The following URB1 variants were observed in gnomAD, a reference collection of about 807,000 sequenced individuals.
The protein encoded by URB1 is nucleolar pre-ribosomal-associated protein 1.
A neutral mutation model predicts 242.3 loss-of-function variants in URB1; 197 were observed. The observed-to-expected ratio is 0.81, with a 90% CI of 0.72 to 0.91. The LOEUF (loss-of-function observed/expected upper bound fraction) is 0.91. URB1 is among the 40% of genes least tolerant of loss of function. URB1 has a pLI of 0.00. For synonymous variants in URB1, 1,153 were observed against 1,201.8 expected (o/e 0.96, Z 0.84); for missense variants, 2,721 against 2,860.5 (o/e 0.95, Z 1.11).
chr21:32,392,754 C>A lies in URB1; in HGVS notation c.142+15G>T, dbSNP rs1293533859. ...GCCTGTGCTCCCGACCCTGCGCCTGCCGCCCCGGACTCACCTGGCCCGGGG... is the reference window on the plus strand; with the variant it reads ...GCCTGTGCTCCCGACCCTGCGCCTGACGCCCCGGACTCACCTGGCCCGGGG... On this transcript the variant is annotated intron_variant, in intron 1 of 38. Transcript: ENST00000382751. 7.0e-7 allele frequency: 1 copy of A among 1,422,114 alleles called. No individual in the cohort carries two copies. Among genetic ancestry groups the A allele is most frequent in the Non-Finnish European group, 9.2e-7 (1 of 1,086,682 alleles). The allele number at this position is 1,422,114 out of a possible 1,614,324, so 88.1% of individuals were successfully genotyped here. A position where few individuals can be genotyped will look rare whatever the true frequency, so the allele number is the denominator to read the frequency against.
Position 32,335,728 on chromosome 21 carries a change from C to A in URB1, c.4685+1366G>T, listed in dbSNP as rs80009829. 4.4e-3 allele frequency: 675 copies of A among 152,694 alleles called. 4 individuals carry two copies. Among genetic ancestry groups the A allele is most frequent in the African/African-American group, 0.016 (655 of 41,606 alleles). The allele number at this position is 152,694 out of a possible 1,614,324, so 9.5% of individuals were successfully genotyped here. A position where few individuals can be genotyped will look rare whatever the true frequency, so the allele number is the denominator to read the frequency against. ...CGGCAGACTGCCCATCACAGACCGG[C>A]GGGAGAGCCGCCACGTAGCGTCCAG... On this transcript the variant is annotated intron_variant, in intron 28 of 38. Coordinates refer to ENST00000382751, the MANE Select transcript of URB1 (RefSeq NM_014825.3).
At position 32,349,325 on chromosome 21, in the gene URB1, C is replaced by T. The variant is rs763341296; in HGVS notation, c.2991G>A (p.Ser997=). 8.4e-6 allele frequency: 13 copies of T among 1,546,016 alleles called. No homozygotes were observed. The highest frequency in any genetic ancestry group is 7.3e-5 in the East Asian group (3 of 40,826). ...DLFLDMESVA[S]LELANDQTLE... is the part of the protein sequence containing the mutation. Reference sequence around the variant, plus strand: ...GTACCTGATCATTGGCCAACTCCAGCGAGGCCACGGACTCCATGTCCAGGA... The same window carrying T: ...GTACCTGATCATTGGCCAACTCCAGTGAGGCCACGGACTCCATGTCCAGGA... Residue 997 remains serine, a synonymous_variant, in exon 21 of 39, where the codon TCG becomes TCA. Transcript: ENST00000382751.
chr21:32,324,823 G>C (rs894285220), intron 31 of URB1, among the ~76,000 whole-genome samples: 1 of 152,202 alleles, frequency 6.6e-6, no homozygotes, highest in Non-Finnish European at 1.5e-5. Context: ...CACAACAGCA[G>C]AGAGAAGTCT....
Position 32,368,505 on chromosome 21 carries a change from TTTGAGGA to T in URB1, c.1088_1094del (p.Ile363LysfsTer7). ...ATTTGTTCAGTAAGTCCGGGCACACTTTGAGGATGTTTACCACAAGGTCAGCCACCAG... is the reference window on the plus strand; with the variant it reads ...ATTTGTTCAGTAAGTCCGGGCACACTTGTTTACCACAAGGTCAGCCACCAG... On this transcript the variant is annotated frameshift_variant, in exon 9 of 39. Coordinates refer to ENST00000382751, the MANE Select transcript of URB1 (RefSeq NM_014825.3). LOFTEE classifies it high-confidence loss of function. 2 of 1,551,788 alleles carry T rather than the reference TTTGAGGA, an allele frequency of 1.3e-6. No homozygotes were observed. Among genetic ancestry groups the T allele is most frequent in the Non-Finnish European group, 1.7e-6 (2 of 1,147,020 alleles).
chr21:32,357,762 T>C, intron 14 of URB1, 106 bp from the exon 15 acceptor site: 1 of 937,266 alleles, frequency 1.1e-6, no homozygotes. Flanking sequence ...GCGTGGTGGC[T>C]TACACCTGTA....
rs1439537263 is a variant in URB1 at position 32,347,583 on chromosome 21, G to C, written c.3241C>G (p.Gln1081Glu). Residue 1081 changes from glutamine (Q) to glutamate (E), a missense_variant, in exon 22 of 39, where the codon CAG (glutamine) becomes GAG (glutamate). Coordinates refer to ENST00000382751, the MANE Select transcript of URB1 (RefSeq NM_014825.3). The stretch of plus-strand genomic sequence containing the variant: ...TTCTGAAGTTCCTTCAGCACACTCT[G>C]GGTGATGGCCTCTGAGTACCTGGCC... ...LLARYSEAIT[Q>E]SVLKELQNRR... The C allele has an allele frequency of 7.7e-6, 12 of 1,551,420 alleles. No individual in the cohort carries two copies. Among genetic ancestry groups the C allele is most frequent in the Non-Finnish European group, 9.6e-6 (11 of 1,146,944 alleles).
At chr21:32,324,004 C>G (rs868592809) in intron 32 of URB1, among the ~76,000 whole-genome samples, 1 of 152,232 alleles carries the variant, frequency 6.6e-6, no homozygotes, top group South Asian at 2.1e-4. Flanking sequence ...ACCCTCACAG[C>G]AATGCTAGAG....
intron 36 of URB1, among the ~76,000 whole-genome samples, chr21:32,318,958 G>A (rs1345316789): frequency 6.6e-6 from 1 of 152,146 alleles, no homozygotes; most frequent in Non-Finnish European, 1.5e-5. Flanking sequence ...CACATTAGGT[G>A]TTAATGTTAA....
chr21:32,361,207 A>AAAGAAAGAAAGAAAC, intron 12 of URB1, 84 bp from the exon 13 acceptor site: 3 of 260,486 alleles, frequency 1.2e-5, no homozygotes, highest in East Asian at 8.2e-5. Flanking sequence ...AAGAAAGAAA[A>AAAGAAAGAAAGAAAC]TAGCTTGAAT....
intron 14 of URB1, 142 bp downstream of exon 14, chr21:32,359,654 T>C (rs2033262063): frequency 1.5e-6 from 1 of 681,930 alleles, no homozygotes; most frequent in East Asian, 3.1e-5. Flanking sequence ...ACCTCTGCTG[T>C]GGGTCTCTCT....
intron 2 of URB1, among the ~76,000 whole-genome samples, chr21:32,385,020 A>T (rs1284177767): frequency 6.6e-6 from 1 of 151,966 alleles, no homozygotes; most frequent in African/African-American, 2.4e-5. Flanking sequence ...AGAAAGAAAG[A>T]AAGAAAGAAA....
At chr21:32,382,558 C>T (rs1310046606) in intron 4 of URB1, among the ~76,000 whole-genome samples, 1 of 152,150 alleles carries the variant, frequency 6.6e-6, no homozygotes, top group East Asian at 1.9e-4. Context: ...AACAAGGCAG[C>T]ACACTGTTAT....
At chr21:32,386,148 CA>C (rs1483363659) in intron 1 of URB1, among the ~76,000 whole-genome samples, 2 of 126,490 alleles carry the variant, frequency 1.6e-5, no homozygotes, top group African/African-American at 6.3e-5. Flanking sequence ...GACTCTGTCT[CA>C]GGAAAAAAAA....
At position 32,313,997 on chromosome 21, in the gene URB1, C is replaced by T. The variant is rs1030026216; in HGVS notation, c.*921G>A. 4 of 153,008 alleles carry T rather than the reference C, an allele frequency of 2.6e-5. No homozygotes were observed. Among genetic ancestry groups the T allele is most frequent in the African/African-American group, 4.8e-5 (2 of 41,392 alleles). 9.5% of individuals were successfully genotyped at this position (153,008 alleles called of 1,614,324 possible). A position where few individuals can be genotyped will look rare whatever the true frequency, so the allele number is the denominator to read the frequency against. On this transcript the variant is annotated 3_prime_UTR_variant, in exon 39 of 39. Coordinates refer to ENST00000382751, the MANE Select transcript of URB1 (RefSeq NM_014825.3). ...ACAAGCATTTATAAAATTCAAAATC[C>T]CCTCTTTGAAGTATAGCTTTAAAAA...
intron 16 of URB1, 118 bp from the exon 17 acceptor site, chr21:32,355,115 A>T: frequency 2.3e-6 from 3 of 1,291,148 alleles, no homozygotes; most frequent in Non-Finnish European, 3.1e-6. Context: ...CCTTAATTAG[A>T]ATAGTTTTAC....
At chr21:32,358,228 C>T (rs1416053745) in intron 14 of URB1, among the ~76,000 whole-genome samples, 1 of 152,096 alleles carries the variant, frequency 6.6e-6, no homozygotes, top group African/African-American at 2.4e-5. Context: ...CTCCCAACAC[C>T]CCTGTGAGGT....
rs1329728720 is a variant in URB1, at chr21:32,314,264, A to T, written c.*654T>A. 1 of 371,518 alleles carries T rather than the reference A, an allele frequency of 2.7e-6. No individual in the cohort carries two copies. The highest frequency in any genetic ancestry group is 2.1e-5 in the African/African-American group (1 of 47,692). 23.0% of individuals were successfully genotyped at this position (371,518 alleles called of 1,614,324 possible). On this transcript the variant is annotated 3_prime_UTR_variant, in exon 39 of 39. Transcript: ENST00000382751. ...CAATGGCACGATCTCAGCTCACTGT[A>T]GCCTCCACCTCCCAGGTTCAAGCGA...
intron 33 of URB1, 24 bp from the exon 34 acceptor site, chr21:32,321,968 C>G: frequency 6.5e-7 from 1 of 1,548,442 alleles, no homozygotes; most frequent in Non-Finnish European, 8.7e-7. Flanking sequence ...ACACAAAAAA[C>G]TGTTGTTAAT....
rs1227469955 is a variant in URB1, at chr21:32,312,160, G to C, written c.*2758C>G. ...TCCTATGCCTTTGACAAAGATTGCA[G>C]TGGCCCCTCGAGTGCAGAGGTCATC... is the stretch of plus-strand genomic sequence containing the variant. On this transcript the variant is annotated 3_prime_UTR_variant, in exon 39 of 39. Transcript: ENST00000382751. 6.6e-7 allele frequency: 1 copy of C among 1,522,572 alleles called. No homozygotes were observed. Among genetic ancestry groups the C allele is most frequent in the Non-Finnish European group, 8.8e-7 (1 of 1,139,486 alleles). The allele number at this position is 1,522,572 out of a possible 1,614,324, so 94.3% of individuals were successfully genotyped here.
Sources: allele counts gnomAD v4.1 joint callset (sites outside exome capture counted in the v4.1 genomes callset), GRCh38; gene constraint gnomAD v4.1.1; transcripts MANE v1.5; gene names NCBI Gene and HGNC (gene_info 2026-07-23, HGNC 2026-07-21).